Variants in ABCB11 observed in about 807,000 individuals in gnomAD.
ABCB11 encodes bile salt export pump.
ABCB11 carries 95 observed loss-of-function variants against 148.0 expected under a neutral mutation model. That is an observed-to-expected ratio of 0.64 (90% CI 0.54 to 0.76). The LOEUF is 0.76. Among genes scored for constraint, ABCB11 ranks in the 30% least tolerant of loss-of-function variants. ABCB11 has a pLI of 0.00. For synonymous variants in ABCB11, 591 were observed against 555.4 expected (o/e 1.06, Z -0.90); for missense variants, 1,523 against 1,617.8 (o/e 0.94, Z 1.01).
At position 168,994,448 on chromosome 2, in the gene ABCB11, G is replaced by A. The variant is rs1694649754; in HGVS notation, c.612-566C>T. On this transcript the variant is annotated intron_variant, in intron 7 of 27. Coordinates refer to ENST00000650372, the MANE Select transcript of ABCB11 (RefSeq NM_003742.4). ...ACTAGGAATTTGAATACAGACTCTTGTTGGGCAAGTTACTTAACCTTTTTG... is the reference window on the plus strand; with the variant it reads ...ACTAGGAATTTGAATACAGACTCTTATTGGGCAAGTTACTTAACCTTTTTG... Among the ~76,000 whole-genome samples, 3 of 152,224 alleles carry A rather than the reference G, an allele frequency of 2.0e-5. 1 individual carries two copies. Among genetic ancestry groups the A allele is most frequent in the African/African-American group, 7.2e-5 (3 of 41,550 alleles).
At chr2:168,932,882 G>C (rs945175608) in intron 23 of ABCB11, among the ~76,000 whole-genome samples, 2 of 152,032 alleles carry the variant, frequency 1.3e-5, no homozygotes, top group African/African-American at 4.8e-5. Flanking sequence ...GGCCGAGGCG[G>C]GCGGATCACG....
At chr2:168,974,073 C>T (rs968559262) in intron 12 of ABCB11, among the ~76,000 whole-genome samples, 21 of 151,942 alleles carry the variant, frequency 1.4e-4, no homozygotes, top group African/African-American at 4.6e-4. Context: ...GAGCCATGAC[C>T]AAGAAGTAAA....
intron 3 of ABCB11, among the ~76,000 whole-genome samples, chr2:169,015,505 C>A (rs184797210): frequency 2.6e-5 from 4 of 152,150 alleles, no homozygotes; most frequent in Non-Finnish European, 5.9e-5. Context: ...TTTGTCCATG[C>A]CCAACTGTTC....
chr2:168,986,870 C>A (rs1205351869), intron 9 of ABCB11, among the ~76,000 whole-genome samples: 3 of 152,096 alleles, frequency 2.0e-5, no homozygotes. Context: ...CATGATCTAG[C>A]CATTAACAAT....
At position 168,923,753 on chromosome 2, in the gene ABCB11, T is replaced by C. The variant is rs1691177000; in HGVS notation, c.3835A>G (p.Thr1279Ala). The change falls in exon 28 of 28, where the codon ACC becomes GCC. Residue 1279 changes from threonine to alanine, a missense_variant. Coordinates refer to ENST00000650372, the MANE Select transcript of ABCB11 (RefSeq NM_003742.4). ...GCAATGATATCCGCGTTCTGGATGG[T>C]GGACAAGCGATGGGCAATGACAATG... ...TCIVIAHRLS[T>A]IQNADIIAVM... The C allele has an allele frequency of 1.2e-6, 2 of 1,613,860 alleles. No individual in the cohort carries two copies. Among genetic ancestry groups the C allele is most frequent in the South Asian group, 2.2e-5 (2 of 91,076 alleles).
chr2:168,972,599 C>T (rs1431327081), intron 13 of ABCB11, among the ~76,000 whole-genome samples: 2 of 151,940 alleles, frequency 1.3e-5, no homozygotes, highest in Non-Finnish European at 2.9e-5. Flanking sequence ...TCTATATATT[C>T]AGAGTGCAGT....
At chr2:168,949,811 A>G (rs853781) in intron 19 of ABCB11, among the ~76,000 whole-genome samples, 87,285 of 151,250 alleles carry the variant, frequency 0.58, 25,443 homozygotes, top group South Asian at 0.68. Context: ...TAACATTTGA[A>G]TCAGCAGTAT....
chr2:168,928,624 G>T (rs1472788606), intron 25 of ABCB11, among the ~76,000 whole-genome samples: 1 of 152,142 alleles, frequency 6.6e-6, no homozygotes, highest in Non-Finnish European at 1.5e-5. Context: ...CATTCACTGG[G>T]CATATTCAGA....
intron 1 of ABCB11, among the ~76,000 whole-genome samples, chr2:169,028,550 C>T (rs1695768914): frequency 6.6e-6 from 1 of 152,058 alleles, no homozygotes; most frequent in African/African-American, 2.4e-5. Context: ...TGAAGGAGCC[C>T]AGTGAATCTC....
At chr2:168,996,583 G>T in intron 6 of ABCB11, 52 bp downstream of exon 6, 4 of 1,088,794 alleles carry the variant, frequency 3.7e-6, no homozygotes, top group East Asian at 3.1e-5. Context: ...TCTCATTGTA[G>T]TGTCTTTGAG....
Position 168,989,496 on chromosome 2 carries a change from A to G in ABCB11, c.908+1305T>C, listed in dbSNP as rs148892111. On this transcript the variant is annotated intron_variant, in intron 9 of 27. Coordinates refer to ENST00000650372, the MANE Select transcript of ABCB11 (RefSeq NM_003742.4). Reference sequence around the variant, plus strand: ...TTCACTGGTCTATGTGTCTGTTTCTATGCCAGTACCATGCTGTTTTTATTA... The same window carrying G: ...TTCACTGGTCTATGTGTCTGTTTCTGTGCCAGTACCATGCTGTTTTTATTA... Among the ~76,000 whole-genome samples the G allele has an allele frequency of 2.3e-3, 345 of 152,160 alleles. 3 individuals carry two copies. Among genetic ancestry groups the G allele is most frequent in the African/African-American group, 7.9e-3 (326 of 41,516 alleles).
At chr2:168,970,700 G>T in intron 14 of ABCB11, 4 of 243,390 alleles carry the variant, frequency 1.6e-5, no homozygotes, top group East Asian at 1.1e-4. Flanking sequence ...GCACAACATT[G>T]GAATCTAATA....
chr2:169,001,458 C>T (rs181236833), intron 5 of ABCB11, among the ~76,000 whole-genome samples: 23 of 152,250 alleles, frequency 1.5e-4, no homozygotes, highest in African/African-American at 5.5e-4. Context: ...TCTGTCACCC[C>T]AACCCAGCAG....
Position 168,993,720 on chromosome 2 carries a change from G to A in ABCB11, c.774C>T (p.Thr258=), listed in dbSNP as rs760009482. 3 of 1,608,306 alleles carry A rather than the reference G, an allele frequency of 1.9e-6. No individual in the cohort carries two copies. The African/African-American group carries it at 4.0e-5, about 22-fold the overall frequency. Residue 258 remains threonine, a synonymous_variant, in exon 8 of 28, where the codon ACC becomes ACT. Coordinates refer to ENST00000650372, the MANE Select transcript of ABCB11 (RefSeq NM_003742.4). ...VSPLIGIGAA[T]IGLSVSKFTD... is the part of the protein sequence containing the mutation. ...AAAAAGACATTCTTACCAGACCAAT[G>A]GTGGCTGCTCCAATCCCAATGAGAG...
intron 18 of ABCB11, among the ~76,000 whole-genome samples, chr2:168,961,673 T>C (rs1693083943): frequency 6.6e-6 from 1 of 151,756 alleles, no homozygotes; most frequent in South Asian, 2.1e-4. Context: ...TCTGACCCCG[T>C]TTACAGGAGC....
At chr2:168,943,331 A>T (rs1212081771) in intron 21 of ABCB11, among the ~76,000 whole-genome samples, 1 of 151,966 alleles carries the variant, frequency 6.6e-6, no homozygotes, top group Non-Finnish European at 1.5e-5. Context: ...ATGATTATAC[A>T]CTGATTGAGT....
At chr2:168,986,741 C>T (rs1694340602) in intron 9 of ABCB11, among the ~76,000 whole-genome samples, 2 of 152,104 alleles carry the variant, frequency 1.3e-5, no homozygotes, top group Non-Finnish European at 2.9e-5. Flanking sequence ...CTATAACTCA[C>T]CCATCTGCCC....
chr2:168,973,668 G>A lies in ABCB11; in HGVS notation c.1434+47C>T, dbSNP rs777297270. The stretch of plus-strand genomic sequence containing the variant: ...CTGTTTGATCAATATACTGCCATTT[G>A]CACTTTACTGTCCCCATGTATTGAG... On this transcript the variant is annotated intron_variant, in intron 13 of 27. Transcript: ENST00000650372. 17 of 1,600,356 alleles carry A rather than the reference G, an allele frequency of 1.1e-5. No individual in the cohort carries two copies. In the Admixed American group the frequency reaches 2.9e-4, roughly 27 times the overall value.
intron 21 of ABCB11, among the ~76,000 whole-genome samples, chr2:168,939,053 A>G (rs990340167): frequency 6.7e-6 from 1 of 149,510 alleles, no homozygotes; most frequent in Non-Finnish European, 1.5e-5. Context: ...ATTCCTTAGT[A>G]TAAATGTATC....
Sources: allele counts gnomAD v4.1 joint callset (sites outside exome capture counted in the v4.1 genomes callset), GRCh38; gene constraint gnomAD v4.1.1; transcripts MANE v1.5; gene names NCBI Gene and HGNC (gene_info 2026-07-23, HGNC 2026-07-21).